The following ZNF146 variants were observed in gnomAD, a reference collection of about 807,000 sequenced individuals.
ZNF146 encodes the protein zinc finger protein OZF.
ZNF146 carries 9 observed loss-of-function variants against 22.2 expected under a neutral mutation model. The observed-to-expected ratio is 0.41, with a 90% CI of 0.24 to 0.71. The LOEUF is 0.71. Ranked by LOEUF, ZNF146 falls within the 30% of genes least tolerant of loss-of-function variation. The probability of loss-of-function intolerance (pLI) is 0.34; values close to 1 mark genes in which losing one functional copy is unlikely to be tolerated. For synonymous variants in ZNF146, 108 were observed against 119.2 expected, an observed-to-expected ratio of 0.91 and a Z score of 0.61; for missense variants, 194 against 344.8, an observed-to-expected ratio of 0.56 and a Z score of 3.46.
chr19:36,229,103 T>TACCTTTTCCTGTCCTCAC (rs1249748696), intron 3 of ZNF146, among the ~76,000 whole-genome samples: 1 of 152,232 alleles, frequency 6.6e-6, no homozygotes, highest in South Asian at 2.1e-4. Flanking sequence ...TTCATCCACA[T>TACCTTTTCCTGTCCTCAC]ACCTTTTCCT....
At position 36,236,573 on chromosome 19, in the gene ZNF146, G is replaced by C; in HGVS notation, c.133G>C (p.Glu45Gln). 1.2e-6 allele frequency: 2 copies of C among 1,614,162 alleles called. No individual in the cohort carries two copies. Among genetic ancestry groups the C allele is most frequent in the Non-Finnish European group, 1.7e-6 (2 of 1,180,032 alleles). ...TTTTCACACGAGAGAGAAACCTTTT[G>C]AATGTAACGAGTGTGGAAAAGCCTT... The part of the protein sequence containing the change: ...EHFHTREKPF[E>Q]CNECGKAFSQ... Residue 45 changes from glutamate (E) to glutamine (Q), a missense_variant, in exon 4 of 4, where the codon GAA (glutamate) becomes CAA (glutamine). Transcript: ENST00000443387.
intron 2 of ZNF146, among the ~76,000 whole-genome samples, chr19:36,218,911 C>T (rs1379148926): frequency 6.6e-6 from 1 of 151,856 alleles, no homozygotes; most frequent in Non-Finnish European, 1.5e-5. Context: ...CAGGTTCACG[C>T]CATTCTCCAG....
intron 1 of ZNF146, among the ~76,000 whole-genome samples, chr19:36,217,363 G>A (rs959918651): frequency 6.6e-5 from 10 of 151,712 alleles, no homozygotes; most frequent in African/African-American, 2.2e-4. Context: ...GTGCCTGGCC[G>A]ACCCTGTCTT....
chr19:36,220,450 C>T (rs942292488), intron 2 of ZNF146, among the ~76,000 whole-genome samples: 6 of 151,858 alleles, frequency 4.0e-5, no homozygotes, highest in Admixed American at 6.6e-5. Context: ...CTGCAATCTC[C>T]GCCTCCTGGG....
At chr19:36,230,870 C>T (rs1012981661) in intron 3 of ZNF146, among the ~76,000 whole-genome samples, 4 of 152,060 alleles carry the variant, frequency 2.6e-5, no homozygotes, top group East Asian at 1.9e-4. Flanking sequence ...GGTGCGATCT[C>T]GGCTCACTGC....
At chr19:36,229,068 G>A (rs995744734) in intron 3 of ZNF146, among the ~76,000 whole-genome samples, 1 of 152,224 alleles carries the variant, frequency 6.6e-6, no homozygotes, top group Non-Finnish European at 1.5e-5. Flanking sequence ...CTTCGTCTGT[G>A]CCGCCACTGT....
chr19:36,226,888 G>A (rs1326169191), intron 2 of ZNF146, among the ~76,000 whole-genome samples: 1 of 151,718 alleles, frequency 6.6e-6, no homozygotes, highest in Non-Finnish European at 1.5e-5. Flanking sequence ...GAGTTTGGGA[G>A]TTCAGCCTAA....
At chr19:36,222,023 G>C (rs1976869290) in intron 2 of ZNF146, among the ~76,000 whole-genome samples, 1 of 145,822 alleles carries the variant, frequency 6.9e-6, no homozygotes, top group Admixed American at 7.3e-5. Context: ...TCCAACTGCT[G>C]GGCTGAAGTG....
rs1171100150 is a variant in ZNF146, at chr19:36,236,413, T to C, written c.-28T>C. On this transcript the variant is annotated 5_prime_UTR_variant, in exon 4 of 4. Coordinates refer to ENST00000443387, the MANE Select transcript of ZNF146 (RefSeq NM_007145.3). ...AAGAAATTTTTACTGGAGAGAAACC[T>C]TGTGAATGTGGGAAAGCTTCCATTC... is the stretch of plus-strand genomic sequence containing the variant. 18 of 1,563,100 alleles carry C rather than the reference T, an allele frequency of 1.2e-5. No homozygotes were observed. The highest frequency in any genetic ancestry group is 1.6e-5 in the Non-Finnish European group (18 of 1,158,538).
intron 2 of ZNF146, chr19:36,228,417 C>CCTGTGTAAGTTGTGA (rs1234794536): frequency 1.3e-5 from 2 of 152,222 alleles, no homozygotes; most frequent in African/African-American, 4.8e-5. Context: ...AAACAGCAAT[C>CCTGTGTAAGTTGTGA]ACTCACACAA....
At chr19:36,223,650 A>C (rs1479522484) in intron 2 of ZNF146, among the ~76,000 whole-genome samples, 1 of 146,948 alleles carries the variant, frequency 6.8e-6, no homozygotes, top group Non-Finnish European at 1.5e-5. Context: ...GGCGTGAGCC[A>C]CCGCGCGTGG....
In ZNF146 at chr19:36,238,666, A is replaced by G. The variant is rs929243635; in HGVS notation, c.*1347A>G. ...TTTCCAATTAAATACTAAACATTTT[A>G]TAGAAAATATTTCTAAAATTTTATC... is the stretch of plus-strand genomic sequence containing the variant. On this transcript the variant is annotated 3_prime_UTR_variant, in exon 4 of 4. Transcript: ENST00000443387. 1 of 167,160 alleles carries G rather than the reference A, an allele frequency of 6.0e-6. No individual in the cohort carries two copies. Among genetic ancestry groups the G allele is most frequent in the African/African-American group, 2.4e-5 (1 of 41,478 alleles). The allele number at this position is 167,160 out of a possible 1,614,324, so 10.4% of individuals were successfully genotyped here.
At chr19:36,230,727 A>T (rs1305712712) in intron 3 of ZNF146, among the ~76,000 whole-genome samples, 1 of 152,190 alleles carries the variant, frequency 6.6e-6, no homozygotes, top group Non-Finnish European at 1.5e-5. Flanking sequence ...TGGTTAGGTA[A>T]CAGGTCAAAT....
chr19:36,233,584 AG>A (rs1307993179), intron 3 of ZNF146, among the ~76,000 whole-genome samples: 1 of 152,190 alleles, frequency 6.6e-6, no homozygotes, highest in Non-Finnish European at 1.5e-5. Flanking sequence ...GGGATGTGGC[AG>A]GACAATAGGG....
chr19:36,221,698 C>G (rs1976846487), intron 2 of ZNF146, among the ~76,000 whole-genome samples: 1 of 152,118 alleles, frequency 6.6e-6, no homozygotes, highest in Admixed American at 6.6e-5. Flanking sequence ...CTCCCTTCCC[C>G]CAGTCACATT....
intron 2 of ZNF146, among the ~76,000 whole-genome samples, chr19:36,222,002 A>G (rs1976868158): frequency 7.1e-6 from 1 of 141,160 alleles, no homozygotes; most frequent in Non-Finnish European, 1.5e-5. Flanking sequence ...TTAACATGGC[A>G]TACTGCAGCC....
intron 3 of ZNF146, among the ~76,000 whole-genome samples, chr19:36,231,919 AAG>A (rs1555742846): frequency 7.9e-5 from 12 of 151,666 alleles, no homozygotes; most frequent in Non-Finnish European, 1.5e-4. Context: ...TAAAAAAAAA[AAG>A]GCCAGACTCG....
intron 1 of ZNF146, among the ~76,000 whole-genome samples, chr19:36,217,116 G>T (rs1202534155): frequency 7.7e-6 from 1 of 129,682 alleles, no homozygotes; most frequent in African/African-American, 3.0e-5. Flanking sequence ...AGTCTAGAGT[G>T]CAGTGGCCCA....
rs1977653860 is a variant in ZNF146, at chr19:36,236,596, C to T, written c.156C>T (p.Ala52=). 1.2e-6 allele frequency: 2 copies of T among 1,614,046 alleles called. No individual in the cohort carries two copies. The highest frequency in any genetic ancestry group is 1.3e-5 in the African/African-American group (1 of 74,914). The change falls in exon 4 of 4, where the codon GCC becomes GCT. Residue 52 remains alanine (A), a synonymous_variant. Coordinates refer to ENST00000443387, the MANE Select transcript of ZNF146 (RefSeq NM_007145.3). ...TTGAATGTAACGAGTGTGGAAAAGC[C>T]TTTAGCCAAAAGCAGTATGTCATTA... ...KPFECNECGK[A]FSQKQYVIKH... is the part of the protein sequence containing the mutation.
Sources: allele counts gnomAD v4.1 joint callset (sites outside exome capture counted in the v4.1 genomes callset), GRCh38; gene constraint gnomAD v4.1.1; transcripts MANE v1.5; gene names NCBI Gene and HGNC (gene_info 2026-07-23, HGNC 2026-07-21).